The following LCLAT1 variants were observed in gnomAD, a reference collection of about 807,000 sequenced individuals.
The protein encoded by LCLAT1 is 1-AGP acyltransferase 8.
In LCLAT1, 11 loss-of-function variants were observed where a neutral mutation model predicts 30.7. That is an observed-to-expected ratio of 0.36 (90% CI 0.23 to 0.59). LCLAT1 has a LOEUF of 0.59. LCLAT1 is among the 20% of genes least tolerant of loss of function. LCLAT1 has a pLI of 0.77. For missense variants in LCLAT1, 402 were observed against 458.6 expected, an observed-to-expected ratio of 0.88 and a Z score of 1.13; for synonymous variants, 155 against 151.3, an observed-to-expected ratio of 1.02 and a Z score of -0.18.
At chr2:30,453,740 A>G (rs1681680028) in intron 1 of LCLAT1, among the ~76,000 whole-genome samples, 1 of 149,386 alleles carries the variant, frequency 6.7e-6, no homozygotes, top group South Asian at 2.1e-4. Context: ...TTTGATGAAA[A>G]GTAAACATGA....
At position 30,640,307 on chromosome 2, in the gene LCLAT1, A is replaced by G. The variant is rs200693287; in HGVS notation, c.819A>G (p.Lys273=). ...QLWCHKRWEE[K]EERLRSFYQG... Reference sequence around the variant, plus strand: ...GGTGCCACAAACGGTGGGAAGAGAAAGAAGAGAGGCTGCGTTCCTTCTATC... The same window carrying G: ...GGTGCCACAAACGGTGGGAAGAGAAGGAAGAGAGGCTGCGTTCCTTCTATC... Residue 273 remains lysine (K), a synonymous_variant, in exon 6 of 6, where the codon AAA becomes AAG. Coordinates refer to ENST00000379509, the MANE Select transcript of LCLAT1 (RefSeq NM_001002257.3). 3 of 1,614,228 alleles carry G rather than the reference A, an allele frequency of 1.9e-6. No individual in the cohort carries two copies. The highest frequency in any genetic ancestry group is 2.7e-5 in the African/African-American group (2 of 75,060).
chr2:30,533,273 A>G lies in LCLAT1; in HGVS notation c.323A>G (p.Lys108Arg). The G allele has an allele frequency of 1.2e-6, 2 of 1,614,138 alleles. No homozygotes were observed. Among genetic ancestry groups the G allele is most frequent in the Non-Finnish European group, 1.7e-6 (2 of 1,179,982 alleles). Residue 108 changes from lysine (K) to arginine (R), a missense_variant, in exon 3 of 6, where the codon AAA becomes AGA. By Grantham distance (26) the Lys-to-Arg change is conservative. Transcript: ENST00000379509. ...LMRYSYLRLEKICLKASLKGV... is the reference protein window; with the variant it reads ...LMRYSYLRLERICLKASLKGV... ...CGATATAGCTACCTCAGATTGGAGA[A>G]AATTTGCCTCAAAGCGAGTCTCAAA...
chr2:30,517,806 T>A (rs1477343998), intron 1 of LCLAT1, among the ~76,000 whole-genome samples: 1 of 152,132 alleles, frequency 6.6e-6, no homozygotes, highest in African/African-American at 2.4e-5. Flanking sequence ...AAGAAAAAAG[T>A]GTACCCTATT....
intron 3 of LCLAT1, among the ~76,000 whole-genome samples, chr2:30,546,999 G>A (rs939310791): frequency 1.1e-4 from 16 of 152,016 alleles, no homozygotes; most frequent in African/African-American, 3.1e-4. Context: ...CATGCTAGTT[G>A]TCCCTTCCCA....
intron 1 of LCLAT1, among the ~76,000 whole-genome samples, chr2:30,474,866 G>A (rs1485760974): frequency 6.6e-6 from 1 of 151,964 alleles, no homozygotes; most frequent in Non-Finnish European, 1.5e-5. Flanking sequence ...TGCCTAGGCT[G>A]GTCTGGAACT....
intron 5 of LCLAT1, among the ~76,000 whole-genome samples, chr2:30,595,960 A>C (rs1165172318): frequency 6.6e-6 from 1 of 152,120 alleles, no homozygotes; most frequent in East Asian, 1.9e-4. Flanking sequence ...GTCCCTGCAA[A>C]GGACATGATC....
At chr2:30,630,341 G>A (rs1668711085) in intron 5 of LCLAT1, among the ~76,000 whole-genome samples, 1 of 152,128 alleles carries the variant, frequency 6.6e-6, no homozygotes, top group African/African-American at 2.4e-5. Flanking sequence ...GGATACAATT[G>A]TCTATAACAA....
intron 2 of LCLAT1, among the ~76,000 whole-genome samples, chr2:30,527,447 T>C (rs1685772517): frequency 6.6e-6 from 1 of 152,236 alleles, no homozygotes; most frequent in Non-Finnish European, 1.5e-5. Flanking sequence ...CACATTTTTG[T>C]TGAATCTTTC....
intron 2 of LCLAT1, among the ~76,000 whole-genome samples, chr2:30,528,041 G>A (rs1685804707): frequency 6.6e-6 from 1 of 152,148 alleles, no homozygotes; most frequent in Non-Finnish European, 1.5e-5. Context: ...ATGTCCTCTT[G>A]TATTTGGTCA....
intron 2 of LCLAT1, among the ~76,000 whole-genome samples, chr2:30,532,130 T>A (rs973069839): frequency 6.6e-6 from 1 of 152,198 alleles, no homozygotes; most frequent in Non-Finnish European, 1.5e-5. Flanking sequence ...TTGTATATAT[T>A]TTTGTTTGTT....
intron 5 of LCLAT1, among the ~76,000 whole-genome samples, chr2:30,587,474 C>T (rs1176000342): frequency 6.6e-6 from 1 of 152,128 alleles, no homozygotes; most frequent in Non-Finnish European, 1.5e-5. Flanking sequence ...TAGACATGAG[C>T]GCTACTGAAT....
At chr2:30,537,946 A>C (rs1386437688) in intron 3 of LCLAT1, among the ~76,000 whole-genome samples, 2 of 152,174 alleles carry the variant, frequency 1.3e-5, no homozygotes, top group East Asian at 1.9e-4. Flanking sequence ...AACTGTACCA[A>C]TACTTGGAAA....
intron 5 of LCLAT1, among the ~76,000 whole-genome samples, chr2:30,571,415 C>T (rs899583346): frequency 5.3e-5 from 8 of 152,146 alleles, no homozygotes; most frequent in African/African-American, 1.9e-4. Context: ...TTGATAGCTA[C>T]CTAGGAAATA....
intron 5 of LCLAT1, among the ~76,000 whole-genome samples, chr2:30,605,155 A>G (rs1046137668): frequency 6.6e-6 from 1 of 152,226 alleles, no homozygotes; most frequent in African/African-American, 2.4e-5. Context: ...TATTGCCTTA[A>G]CTATTGTAAA....
At chr2:30,569,178 A>T (rs1306376869) in intron 5 of LCLAT1, among the ~76,000 whole-genome samples, 1 of 152,098 alleles carries the variant, frequency 6.6e-6, no homozygotes. Context: ...GGCTCATATC[A>T]CACTTCTTTC....
chr2:30,488,087 C>A (rs1437064139), intron 1 of LCLAT1, among the ~76,000 whole-genome samples: 1 of 152,168 alleles, frequency 6.6e-6, no homozygotes, highest in Non-Finnish European at 1.5e-5. Flanking sequence ...ACCATCAAAG[C>A]TTTAGAGGTC....
At position 30,533,319 on chromosome 2, in the gene LCLAT1, G is replaced by T; in HGVS notation, c.364+5G>T. 1 of 1,611,846 alleles carries T rather than the reference G, an allele frequency of 6.2e-7. No individual in the cohort carries two copies. The highest frequency in any genetic ancestry group is 1.7e-5 in the Admixed American group (1 of 60,014). ...TCAAAGGTGTTCCTGGATTTGGTAG[G>T]TTATTCACACATTATTTTAAGTGGT... On this transcript the variant is annotated splice_donor_5th_base_variant and intron_variant, in intron 3 of 5. Coordinates refer to ENST00000379509, the MANE Select transcript of LCLAT1 (RefSeq NM_001002257.3).
intron 4 of LCLAT1, among the ~76,000 whole-genome samples, chr2:30,567,165 T>A (rs1416777817): frequency 6.6e-6 from 1 of 152,196 alleles, no homozygotes; most frequent in African/African-American, 2.4e-5. Flanking sequence ...TTCAATTTTG[T>A]TATATAGGGA....
intron 1 of LCLAT1, among the ~76,000 whole-genome samples, chr2:30,503,497 G>A (rs922510553): frequency 9.2e-5 from 14 of 152,118 alleles, no homozygotes; most frequent in African/African-American, 3.4e-4. Context: ...TAACAGCTAG[G>A]TGGAGTATAC....
Sources: allele counts gnomAD v4.1 joint callset (sites outside exome capture counted in the v4.1 genomes callset), GRCh38; gene constraint gnomAD v4.1.1; transcripts MANE v1.5; gene names NCBI Gene and HGNC (gene_info 2026-07-23, HGNC 2026-07-21).